Variants in EYS observed in about 807,000 individuals in gnomAD.
The protein encoded by EYS is EGF-like photoreceptor maintenance factor, also known as protein eyes shut homolog.
EYS carries 250 observed loss-of-function variants against 282.1 expected under a neutral mutation model. The ratio of observed to expected loss-of-function variants is 0.89; its 90% confidence interval spans 0.80 to 0.98. The LOEUF is 0.98. Ranked by LOEUF, EYS falls within the 50% of genes least tolerant of loss-of-function variation. The probability of loss-of-function intolerance (pLI) is 0.00; values close to 1 mark genes in which losing one functional copy is unlikely to be tolerated. For synonymous variants in EYS, 1,355 were observed against 1,282.9 expected (o/e 1.06, Z -1.20); for missense variants, 4,016 against 3,709.0 (o/e 1.08, Z -2.15).
At chr6:64,852,783 G>C (rs1415040672) in intron 19 of EYS, among the ~76,000 whole-genome samples, 23 of 152,102 alleles carry the variant, frequency 1.5e-4, no homozygotes, top group Non-Finnish European at 5.9e-5. Context: ...ACCAAGGTTT[G>C]CTGGCACCCA....
At chr6:63,796,063 G>A (rs1770637430) in intron 37 of EYS, among the ~76,000 whole-genome samples, 2 of 152,148 alleles carry the variant, frequency 1.3e-5, no homozygotes, top group African/African-American at 4.8e-5. Context: ...ACCCTCAAAG[G>A]AAGCATAAAA....
chr6:64,253,250 G>A (rs1242855830), intron 30 of EYS, among the ~76,000 whole-genome samples: 4 of 152,074 alleles, frequency 2.6e-5, no homozygotes, highest in Non-Finnish European at 5.9e-5. Flanking sequence ...TGTTGCTAGA[G>A]TAAGGCACAA....
intron 26 of EYS, among the ~76,000 whole-genome samples, chr6:64,490,367 T>TA (rs1776700339): frequency 6.6e-6 from 1 of 150,972 alleles, no homozygotes; most frequent in South Asian, 2.1e-4. Flanking sequence ...TATGTCATGG[T>TA]AGTTAAAAGA....
At chr6:65,665,614 C>T (rs1167095005) in intron 1 of EYS, among the ~76,000 whole-genome samples, 2 of 152,036 alleles carry the variant, frequency 1.3e-5, no homozygotes, top group Non-Finnish European at 2.9e-5. Flanking sequence ...TGTAAATATG[C>T]AGTCTCCTAA....
chr6:64,404,346 A>G (rs1474876534), intron 28 of EYS, among the ~76,000 whole-genome samples: 2 of 151,768 alleles, frequency 1.3e-5, no homozygotes, highest in African/African-American at 4.8e-5. Flanking sequence ...TTTGTTCCCT[A>G]GTCCTTTTTC....
At chr6:64,463,054 C>A (rs1223480552) in intron 26 of EYS, among the ~76,000 whole-genome samples, 3 of 149,440 alleles carry the variant, frequency 2.0e-5, no homozygotes, top group South Asian at 2.1e-4. Context: ...TCACGCCATT[C>A]TCCTGCCAAG....
intron 35 of EYS, among the ~76,000 whole-genome samples, chr6:63,876,418 C>T (rs182374038): frequency 8.5e-5 from 13 of 152,134 alleles, no homozygotes; most frequent in East Asian, 1.9e-4. Context: ...GGAATAAGTG[C>T]GATGTGGTGC....
chr6:64,979,791 T>G (rs900730666), intron 14 of EYS, among the ~76,000 whole-genome samples: 4 of 151,642 alleles, frequency 2.6e-5, no homozygotes, highest in Non-Finnish European at 5.9e-5. Flanking sequence ...TATAGTCTCC[T>G]GAAAAATAAA....
chr6:65,584,979 A>G (rs1403894797), intron 2 of EYS, among the ~76,000 whole-genome samples: 1 of 151,456 alleles, frequency 6.6e-6, no homozygotes, highest in Non-Finnish European at 1.5e-5. Context: ...AATTTTGTTC[A>G]AACTGTATTT....
intron 24 of EYS, among the ~76,000 whole-genome samples, chr6:64,602,259 A>G (rs62415847): frequency 0.098 from 14,888 of 152,072 alleles, 900 homozygotes; most frequent in East Asian, 0.16. Flanking sequence ...ATGAATATAA[A>G]ATTATATTTA....
chr6:63,762,283 T>C (rs921335992), intron 41 of EYS, among the ~76,000 whole-genome samples, 178 bp downstream of exon 41: 6 of 152,092 alleles, frequency 3.9e-5, no homozygotes, highest in Non-Finnish European at 5.9e-5. Flanking sequence ...TTTGTACTAC[T>C]GAATTTTAAG....
In EYS at chr6:64,375,364, T is replaced by C. The variant is rs530906988; in HGVS notation, c.6078+13326A>G. The stretch of plus-strand genomic sequence containing the variant: ...CTATTGCTGCCATCAGAATGTCATA[T>C]GTTAGCCTCAAAATTAACTCTTCAT... On this transcript the variant is annotated intron_variant, in intron 29 of 42. Transcript: ENST00000503581. Among the ~76,000 whole-genome samples the C allele has an allele frequency of 5.9e-5, 9 of 152,340 alleles. No homozygotes were observed. The South Asian group carries it at 1.7e-3, about 28-fold the overall frequency.
At chr6:65,466,590 GA>G (rs544460765) in intron 5 of EYS, among the ~76,000 whole-genome samples, 1,495 of 137,988 alleles carry the variant, frequency 0.011, 22 homozygotes, top group South Asian at 0.043. Context: ...AAACCAAAAT[GA>G]AAAAAAAAAA....
intron 1 of EYS, among the ~76,000 whole-genome samples, chr6:65,690,003 G>C (rs536289110): frequency 2.0e-5 from 3 of 149,820 alleles, no homozygotes; most frequent in Admixed American, 6.7e-5. Context: ...TAGTGAGGGC[G>C]CGGGTAGGTT....
At chr6:63,726,489 T>G in intron 42 of EYS, 30 bp downstream of exon 42, 1 of 1,535,852 alleles carries the variant, frequency 6.5e-7, no homozygotes, top group Non-Finnish European at 8.8e-7. Context: ...TAGGAATTCA[T>G]TCTGCAAACA....
rs192444883 is a variant in EYS, at chr6:65,005,087, G to A, written c.2138-7384C>T. ...ACTCTTCTGGTCTATGTTTGTTATG[G>A]CTTGAGCTGAGCTTTCGCTTGCCGT... On this transcript the variant is annotated intron_variant, in intron 13 of 42. Transcript: ENST00000503581. Among the ~76,000 whole-genome samples the A allele has an allele frequency of 2.3e-3, 333 of 147,678 alleles. 9 individuals are homozygous for A. Among genetic ancestry groups the A allele is most frequent in the African/African-American group, 7.8e-3 (320 of 41,258 alleles).
chr6:65,265,751 A>C (rs773396317), intron 12 of EYS, among the ~76,000 whole-genome samples: 6 of 151,974 alleles, frequency 3.9e-5, no homozygotes, highest in Non-Finnish European at 7.4e-5. Flanking sequence ...TAACTTACAG[A>C]GTAAGGATAT....
At chr6:64,251,680 G>A (rs4710476) in intron 30 of EYS, among the ~76,000 whole-genome samples, 41,261 of 151,954 alleles carry the variant, frequency 0.27, 5,827 homozygotes, top group East Asian at 0.43. Context: ...ATGTTTTGCT[G>A]AAATAGTTTA....
chr6:64,390,167 C>A (rs1218186841), intron 28 of EYS, among the ~76,000 whole-genome samples: 3 of 152,126 alleles, frequency 2.0e-5, no homozygotes. Context: ...AGTCTGAGAT[C>A]AAACTGCAAG....
Sources: allele counts gnomAD v4.1 joint callset (sites outside exome capture counted in the v4.1 genomes callset), GRCh38; gene constraint gnomAD v4.1.1; transcripts MANE v1.5; gene names NCBI Gene and HGNC (gene_info 2026-07-23, HGNC 2026-07-21).